KATNIP: variants seen among roughly 807,000 people sequenced by gnomAD.
KATNIP encodes the protein katanin interacting protein, also known as katanin-interacting protein.
KATNIP carries 126 observed loss-of-function variants against 174.0 expected under a neutral mutation model. The observed-to-expected ratio is 0.72, with a 90% CI of 0.63 to 0.84. The LOEUF (loss-of-function observed/expected upper bound fraction) is 0.84, where lower values mean the gene tolerates loss of function less well. Among genes scored for constraint, KATNIP ranks in the 40% least tolerant of loss-of-function variants. The probability of loss-of-function intolerance (pLI) is 0.00; values close to 1 mark genes in which losing one functional copy is unlikely to be tolerated. For synonymous variants in KATNIP, 810 were observed against 835.7 expected (o/e 0.97, Z 0.53); for missense variants, 1,958 against 2,109.7 (o/e 0.93, Z 1.41).
At chr16:27,580,796 C>G (rs2090671332) in intron 2 of KATNIP, among the ~76,000 whole-genome samples, 1 of 150,954 alleles carries the variant, frequency 6.6e-6, no homozygotes, top group South Asian at 2.1e-4. Context: ...CTGCCTAGTA[C>G]TCCATTGTGA....
At chr16:27,683,523 A>G (rs1006015724) in intron 8 of KATNIP, among the ~76,000 whole-genome samples, 28 of 152,170 alleles carry the variant, frequency 1.8e-4, no homozygotes, top group Non-Finnish European at 2.9e-5. Flanking sequence ...CCCTGTCGGC[A>G]TGTCAAGGTT....
chr16:27,578,980 A>G (rs1324285612), intron 2 of KATNIP, among the ~76,000 whole-genome samples: 1 of 152,216 alleles, frequency 6.6e-6, no homozygotes, highest in African/African-American at 2.4e-5. Context: ...CATTTCTAAC[A>G]AGTATTCATG....
chr16:27,606,410 C>T (rs920200511), intron 2 of KATNIP, among the ~76,000 whole-genome samples: 1 of 151,996 alleles, frequency 6.6e-6, no homozygotes, highest in African/African-American at 2.4e-5. Flanking sequence ...ACTTTGGATT[C>T]AGACACCGTC....
intron 8 of KATNIP, among the ~76,000 whole-genome samples, chr16:27,688,672 G>A (rs1293087714): frequency 6.6e-6 from 1 of 152,206 alleles, no homozygotes; most frequent in African/African-American, 2.4e-5. Context: ...AGAGGTAAGT[G>A]TTTTAATTCC....
chr16:27,643,560 C>T (rs375011325), intron 5 of KATNIP, among the ~76,000 whole-genome samples: 3 of 114,930 alleles, frequency 2.6e-5, no homozygotes, highest in Non-Finnish European at 4.9e-5. Flanking sequence ...CGCTGCACTC[C>T]AGGCTGGGTA....
intron 14 of KATNIP, among the ~76,000 whole-genome samples, chr16:27,734,612 G>T (rs892978038): frequency 2.0e-5 from 3 of 152,076 alleles, no homozygotes; most frequent in African/African-American, 7.2e-5. Context: ...CACGAGAATC[G>T]CTTGAACCTG....
intron 6 of KATNIP, among the ~76,000 whole-genome samples, chr16:27,675,623 T>C (rs1327258151): frequency 6.6e-6 from 1 of 152,188 alleles, no homozygotes; most frequent in Non-Finnish European, 1.5e-5. Flanking sequence ...GAGCAGCCTG[T>C]GTTTGTAGAT....
chr16:27,576,987 G>C (rs1489290021), intron 2 of KATNIP, among the ~76,000 whole-genome samples: 1 of 152,170 alleles, frequency 6.6e-6, no homozygotes, highest in Non-Finnish European at 1.5e-5. Flanking sequence ...TTCCAGCCTG[G>C]GTTGGGATCG....
intron 2 of KATNIP, among the ~76,000 whole-genome samples, chr16:27,582,831 C>T (rs1158565173): frequency 6.6e-6 from 1 of 152,132 alleles, no homozygotes; most frequent in Non-Finnish European, 1.5e-5. Context: ...CAATAAATGT[C>T]AACAATTATA....
At chr16:27,647,238 G>A (rs1422662115) in intron 5 of KATNIP, among the ~76,000 whole-genome samples, 6 of 152,210 alleles carry the variant, frequency 3.9e-5, no homozygotes, top group Non-Finnish European at 8.8e-5. Flanking sequence ...AGTGTCTGCA[G>A]TCCAGAAAGT....
chr16:27,772,964 G>A (rs1337201581), intron 22 of KATNIP, 135 bp from the exon 23 acceptor site: 1 of 607,998 alleles, frequency 1.6e-6, no homozygotes, highest in Non-Finnish European at 2.9e-6. Context: ...ATAGGCTCTA[G>A]TTGCAATAAG....
Position 27,771,606 on chromosome 16 carries a change from G to A in KATNIP, c.4152G>A (p.Leu1384=). 1 of 1,613,420 alleles carries A rather than the reference G, an allele frequency of 6.2e-7. No homozygotes were observed. The highest frequency in any genetic ancestry group is 8.5e-7 in the Non-Finnish European group (1 of 1,179,626). ...TTTTCAGGCTGGACATGAGAAGCCT[G>A]GAGTGTGCAAGCATGGACTACGAGG... ...QPARRLDMRS[L]ECASMDYEAP... Residue 1384 remains leucine (L), a synonymous_variant, in exon 22 of 28, where the codon CTG becomes CTA. Coordinates refer to ENST00000261588, the MANE Select transcript of KATNIP (RefSeq NM_015202.5).
At chr16:27,610,896 T>G (rs1214192043) in intron 2 of KATNIP, among the ~76,000 whole-genome samples, 1 of 152,202 alleles carries the variant, frequency 6.6e-6, no homozygotes, top group Non-Finnish European at 1.5e-5. Context: ...TGCAACCATT[T>G]GTCTCTTATC....
intron 2 of KATNIP, among the ~76,000 whole-genome samples, chr16:27,616,107 C>G (rs566680310): frequency 6.6e-6 from 1 of 152,176 alleles, no homozygotes; most frequent in African/African-American, 2.4e-5. Flanking sequence ...TGCGGTGGCT[C>G]GCACCTGTAG....
chr16:27,699,461 C>T, intron 9 of KATNIP, 73 bp from the exon 10 acceptor site: 1 of 1,593,098 alleles, frequency 6.3e-7, no homozygotes, highest in Non-Finnish European at 8.6e-7. Flanking sequence ...TTTCTGTGCC[C>T]TCATCTTTCT....
At chr16:27,645,658 G>C (rs780603170) in intron 5 of KATNIP, among the ~76,000 whole-genome samples, 1 of 152,194 alleles carries the variant, frequency 6.6e-6, no homozygotes, top group Non-Finnish European at 1.5e-5. Flanking sequence ...TCTCTGTTGC[G>C]CTGGGCCATC....
At chr16:27,704,888 C>T (rs1306210254) in intron 12 of KATNIP, among the ~76,000 whole-genome samples, 9 of 147,526 alleles carry the variant, frequency 6.1e-5, no homozygotes, top group East Asian at 3.9e-4. Context: ...ATTCGATTTT[C>T]GTTCTTTTCT....
chr16:27,557,234 C>T (rs1408126236), intron 1 of KATNIP, among the ~76,000 whole-genome samples: 5 of 151,682 alleles, frequency 3.3e-5, no homozygotes, highest in South Asian at 2.1e-4. Context: ...CTCCGCCTCC[C>T]GAGTTCCAGT....
In KATNIP at chr16:27,750,045, C is replaced by A. The variant is rs752921623; in HGVS notation, c.3085C>A (p.Arg1029Ser). ...NILPAYGKDP[R>S]VVTNLIDGVN... ...TTTACCAGCCTATGGGAAAGACCCC[C>A]GCGTGGTCACCAACCTCATCGACGG... The change falls in exon 16 of 28, where the codon CGC (arginine) becomes AGC (serine). Residue 1029 changes from arginine (R) to serine (S), a missense_variant. Coordinates refer to ENST00000261588, the MANE Select transcript of KATNIP (RefSeq NM_015202.5). 1 of 1,614,176 alleles carries A rather than the reference C, an allele frequency of 6.2e-7. No individual in the cohort carries two copies. The highest frequency in any genetic ancestry group is 2.2e-5 in the East Asian group (1 of 44,882).
Sources: allele counts gnomAD v4.1 joint callset (sites outside exome capture counted in the v4.1 genomes callset), GRCh38; gene constraint gnomAD v4.1.1; transcripts MANE v1.5; gene names NCBI Gene and HGNC (gene_info 2026-07-23, HGNC 2026-07-21).